The following GOLGA3 variants were observed in gnomAD, a reference collection of about 807,000 sequenced individuals.
The protein encoded by GOLGA3 is golgin A3.
GOLGA3 carries 75 observed loss-of-function variants against 169.4 expected under a neutral mutation model. The observed-to-expected ratio is 0.44, with a 90% CI of 0.37 to 0.54. The LOEUF (loss-of-function observed/expected upper bound fraction) is 0.54, where lower values mean the gene tolerates loss of function less well. Ranked by LOEUF, GOLGA3 falls within the 20% of genes least tolerant of loss-of-function variation. The pLI is 0.00. For synonymous variants in GOLGA3, 824 were observed against 822.4 expected (o/e 1.00, Z -0.03); for missense variants, 1,899 against 1,930.0 (o/e 0.98, Z 0.30).
At chr12:132,801,105 G>A (rs1226903967) in intron 8 of GOLGA3, among the ~76,000 whole-genome samples, 1 of 152,266 alleles carries the variant, frequency 6.6e-6, no homozygotes, top group Non-Finnish European at 1.5e-5. Context: ...TCCAGCACAC[G>A]AAGCAGTTGC....
intron 11 of GOLGA3, 106 bp downstream of exon 11, chr12:132,795,746 G>A (rs905425195): frequency 1.0e-5 from 13 of 1,253,856 alleles, no homozygotes; most frequent in Middle Eastern, 1.9e-4. Flanking sequence ...GGGCAACACA[G>A]CGAGACTGTT....
chr12:132,815,609 C>T (rs1328415532), intron 3 of GOLGA3, among the ~76,000 whole-genome samples: 1 of 152,182 alleles, frequency 6.6e-6, no homozygotes. Flanking sequence ...TAAAAATATA[C>T]TGCAGGCCAG....
At position 132,773,085 on chromosome 12, in the gene GOLGA3, C is replaced by A. The variant is rs368889038; in HGVS notation, c.*20G>T. The A allele has an allele frequency of 3.3e-6, 5 of 1,507,054 alleles. No individual in the cohort carries two copies. Among genetic ancestry groups the A allele is most frequent in the Non-Finnish European group, 4.5e-6 (5 of 1,114,884 alleles). The allele number at this position is 1,507,054 out of a possible 1,614,324, so 93.4% of individuals were successfully genotyped here. ...AAGAGCCTTCTGGGGCAGCGGCGCA[C>A]GGAGGCGAGTCCACAGCAGTCACTC... On this transcript the variant is annotated 3_prime_UTR_variant, in exon 24 of 24. Transcript: ENST00000450791.
intron 4 of GOLGA3, 82 bp from the exon 5 acceptor site, chr12:132,808,631 C>T (rs1320850774): frequency 9.5e-7 from 1 of 1,057,956 alleles, no homozygotes; most frequent in Non-Finnish European, 1.4e-6. Context: ...AAAGGTGGCA[C>T]CGATCACTAC....
In GOLGA3 at chr12:132,808,112, C is replaced by A. The variant is rs745645465; in HGVS notation, c.957G>T (p.Ser319=). Residue 319 remains serine, a synonymous_variant, in exon 5 of 24, where the codon TCG becomes TCT. Coordinates refer to ENST00000450791, the MANE Select transcript of GOLGA3 (RefSeq NM_001389683.1). ...EVDGNDSDSS[S]YSSASTRGTY... ...TCCCTCGGGTGGAGGCGCTGCTGTA[C>A]GATGAGCTGTCGCTGTCATTTCCAT... 4 of 1,603,222 alleles carry A rather than the reference C, an allele frequency of 2.5e-6. No individual in the cohort carries two copies. Among genetic ancestry groups the A allele is most frequent in the South Asian group, 1.1e-5 (1 of 89,524 alleles).
chr12:132,779,132 G>A (rs1053356238), intron 18 of GOLGA3, among the ~76,000 whole-genome samples: 1 of 152,094 alleles, frequency 6.6e-6, no homozygotes, highest in African/African-American at 2.4e-5. Flanking sequence ...CCAGGCTGGA[G>A]TGCAATGGTG....
chr12:132,796,244 T>C, intron 10 of GOLGA3, 24 bp from the exon 11 acceptor site: 1 of 1,564,890 alleles, frequency 6.4e-7, no homozygotes. Context: ...GAAGCCCACA[T>C]GGCTGCGCCT....
At position 132,796,695 on chromosome 12, in the gene GOLGA3, G is replaced by A; in HGVS notation, c.1944C>T (p.Asp648=). 1.2e-6 allele frequency: 2 copies of A among 1,613,524 alleles called. No individual in the cohort carries two copies. Among genetic ancestry groups the A allele is most frequent in the Non-Finnish European group, 1.7e-6 (2 of 1,179,874 alleles). ...IAAQLQGIEA[D]MLDQEAAFMQ... ...TGAAGGCTGCTTCCTGATCCAACAT[G>A]TCAGCCTGAGCCCAGGAAACTTGTT... The change falls in exon 10 of 24, where the codon GAC becomes GAT. Residue 648 remains aspartate (D), a synonymous_variant. Transcript: ENST00000450791.
chr12:132,786,262 G>T, intron 15 of GOLGA3, 77 bp downstream of exon 15: 1 of 1,016,980 alleles, frequency 9.8e-7, no homozygotes, highest in Non-Finnish European at 1.5e-6. Flanking sequence ...GGCTTTAGGG[G>T]ACAACTGCTG....
At chr12:132,826,845 C>A (rs1028463142) in intron 1 of GOLGA3, among the ~76,000 whole-genome samples, 1 of 148,974 alleles carries the variant, frequency 6.7e-6, no homozygotes, top group Non-Finnish European at 1.5e-5. Context: ...GATCTCCGGG[C>A]AGCGAGGAGG....
chr12:132,785,829 C>T (rs1165576981), intron 15 of GOLGA3, among the ~76,000 whole-genome samples: 2 of 152,248 alleles, frequency 1.3e-5, no homozygotes, highest in Non-Finnish European at 2.9e-5. Context: ...CGGAGGGCCA[C>T]GGCCTCCACG....
In GOLGA3 at chr12:132,817,495, C is replaced by T. The variant is rs111737993; in HGVS notation, c.134-683G>A. Among the ~76,000 whole-genome samples, 45 of 50,756 alleles carry T rather than the reference C, an allele frequency of 8.9e-4. 3 individuals carry two copies. Among genetic ancestry groups the T allele is most frequent in the Non-Finnish European group, 1.7e-3 (38 of 22,960 alleles). The allele number at this position is 50,756 out of a possible 152,430, so 33.3% of individuals were successfully genotyped here. A position where few individuals can be genotyped will look rare whatever the true frequency, so the allele number is the denominator to read the frequency against. Reference sequence around the variant, plus strand: ...GGTGAACCCGCCCTCCACTCCTCCACGCTCTAAGGTGAACCCGCACTCCAC... The same window carrying T: ...GGTGAACCCGCCCTCCACTCCTCCATGCTCTAAGGTGAACCCGCACTCCAC... On this transcript the variant is annotated intron_variant, in intron 2 of 23. Coordinates refer to ENST00000450791, the MANE Select transcript of GOLGA3 (RefSeq NM_001389683.1).
At chr12:132,827,664 T>C (rs932646460) in intron 1 of GOLGA3, 1 of 152,204 alleles carries the variant, frequency 6.6e-6, no homozygotes, top group Non-Finnish European at 1.5e-5. Flanking sequence ...CTCTTCAATC[T>C]GAGTGATGTC....
chr12:132,792,423 G>T (rs1566096163), intron 11 of GOLGA3, among the ~76,000 whole-genome samples: 1 of 152,254 alleles, frequency 6.6e-6, no homozygotes, highest in Admixed American at 6.5e-5. Flanking sequence ...ACAGTTTACA[G>T]AACCCGGTGT....
rs2045275046 is a variant in GOLGA3 at position 132,776,838 on chromosome 12, T to C, written c.3856-82A>G. 9 of 1,569,842 alleles carry C rather than the reference T, an allele frequency of 5.7e-6. No individual in the cohort carries two copies. In the East Asian group the frequency reaches 2.0e-4, roughly 35 times the overall value. On this transcript the variant is annotated intron_variant, in intron 20 of 23. Coordinates refer to ENST00000450791, the MANE Select transcript of GOLGA3 (RefSeq NM_001389683.1). ...GAAAATGGCTCTAGCTGTGTTTTGG[T>C]TTATCTTTTAATACCATATTCAGAA...
Position 132,770,569 on chromosome 12 carries a change from C to T in GOLGA3, c.*2536G>A, listed in dbSNP as rs1205687810. The stretch of plus-strand genomic sequence containing the variant: ...ATGGTGAACATCACTCACTTGAGGA[C>T]TTCCCATAAGCAAGGAGAAGTCGCT... On this transcript the variant is annotated 3_prime_UTR_variant, in exon 24 of 24. Coordinates refer to ENST00000450791, the MANE Select transcript of GOLGA3 (RefSeq NM_001389683.1). 7.4e-6 allele frequency: 1 copy of T among 134,728 alleles called. No individual in the cohort carries two copies. Among genetic ancestry groups the T allele is most frequent in the Non-Finnish European group, 1.6e-5 (1 of 64,130 alleles). 8.3% of individuals were successfully genotyped at this position (134,728 alleles called of 1,614,324 possible).
rs149248952 is a variant in GOLGA3 at position 132,786,407 on chromosome 12, C to G, written c.3055G>C (p.Ala1019Pro). The G allele has an allele frequency of 3.2e-4, 524 of 1,612,994 alleles. No homozygotes were observed. The highest frequency in any genetic ancestry group is 4.1e-4 in the Non-Finnish European group (485 of 1,179,616). Residue 1019 changes from alanine to proline, a missense_variant, in exon 15 of 24, where the codon GCT becomes CCT. By Grantham distance (27) the Ala-to-Pro change is conservative. Transcript: ENST00000450791. ...AGCTGGCCCAGCTCCGCGTCCGCAGCCTCCTTGGCCGCGAGGGCCTCCTGC... is the reference window on the plus strand; with the variant it reads ...AGCTGGCCCAGCTCCGCGTCCGCAGGCTCCTTGGCCGCGAGGGCCTCCTGC... ...RLQEALAAKE[A>P]ADAELGQLRA... is the part of the protein sequence containing the mutation.
rs375012067 is a variant in GOLGA3 at position 132,780,769 on chromosome 12, C to T, written c.3582+29G>A. ...CTAGGCACTGGAGCGTCCTCTGGAA[C>T]GCCCTGTGAGACGGAAGGTGGCACG... On this transcript the variant is annotated intron_variant, in intron 18 of 23. Coordinates refer to ENST00000450791, the MANE Select transcript of GOLGA3 (RefSeq NM_001389683.1). 28 of 1,396,258 alleles carry T rather than the reference C, an allele frequency of 2.0e-5. No individual in the cohort carries two copies. The African/African-American group carries it at 2.8e-4, about 14-fold the overall frequency. 86.5% of individuals were successfully genotyped at this position (1,396,258 alleles called of 1,614,324 possible).
At position 132,813,387 on chromosome 12, in the gene GOLGA3, C is replaced by G; in HGVS notation, c.439G>C (p.Glu147Gln). 6.2e-7 allele frequency: 1 copy of G among 1,612,666 alleles called. No homozygotes were observed. The highest frequency in any genetic ancestry group is 1.3e-5 in the African/African-American group (1 of 75,000). Residue 147 changes from glutamate (E) to glutamine (Q), a missense_variant, in exon 4 of 24, where the codon GAG becomes CAG. Glu to Gln is a conservative substitution (Grantham distance 29). Coordinates refer to ENST00000450791, the MANE Select transcript of GOLGA3 (RefSeq NM_001389683.1). ...STDSPLPLEK[E>Q]EQVRLQARKW... ...CGAGCCTGAAGTCGGACCTGCTCCT[C>G]CTTCTCCAGGGGCAGGGGAGAATCT...
Sources: allele counts gnomAD v4.1 joint callset (sites outside exome capture counted in the v4.1 genomes callset), GRCh38; gene constraint gnomAD v4.1.1; transcripts MANE v1.5; gene names NCBI Gene and HGNC (gene_info 2026-07-23, HGNC 2026-07-21).